PTPRD: variants seen among roughly 807,000 people sequenced by gnomAD.
PTPRD encodes protein tyrosine phosphatase receptor type D, also known as receptor-type tyrosine-protein phosphatase delta.
In PTPRD, 34 loss-of-function variants were observed where a neutral mutation model predicts 214.5. The ratio of observed to expected loss-of-function variants is 0.16; its 90% confidence interval spans 0.12 to 0.21. The LOEUF (loss-of-function observed/expected upper bound fraction) is 0.21. Ranked by LOEUF, PTPRD falls within the 10% of genes least tolerant of loss-of-function variation. The probability of loss-of-function intolerance (pLI) is 1.00; values close to 1 mark genes in which losing one functional copy is unlikely to be tolerated. For synonymous variants in PTPRD, 1,128 were observed against 845.7 expected, an observed-to-expected ratio of 1.33 and a Z score of -5.79; for missense variants, 2,545 against 2,398.7, an observed-to-expected ratio of 1.06 and a Z score of -1.27.
intron 2 of PTPRD, among the ~76,000 whole-genome samples, chr9:10,562,157 C>A (rs997130783): frequency 9.9e-5 from 15 of 152,066 alleles, no homozygotes; most frequent in African/African-American, 3.6e-4. Flanking sequence ...CATCCATATC[C>A]AAGAACCTGA....
At position 10,039,687 on chromosome 9, in the gene PTPRD, C is replaced by T. The variant is rs558887980; in HGVS notation, c.-544-5897G>A. On this transcript the variant is annotated intron_variant, in intron 3 of 45. Coordinates refer to ENST00000381196, the MANE Select transcript of PTPRD (RefSeq NM_002839.4). ...TTTTCTTTTCTGGGGGAAAAAAAAA[C>T]AAAGGGGTATGATTGTACTACATGA... Among the ~76,000 whole-genome samples the T allele has an allele frequency of 5.3e-5, 8 of 151,164 alleles. No homozygotes were observed. The South Asian group carries it at 1.5e-3, about 28-fold the overall frequency.
intron 27 of PTPRD, among the ~76,000 whole-genome samples, chr9:8,492,107 T>C (rs1336157865): frequency 2.6e-5 from 4 of 152,206 alleles, no homozygotes; most frequent in African/African-American, 9.6e-5. Flanking sequence ...TTTTATACTA[T>C]TTAGCCTTCT....
chr9:8,959,785 G>C (rs929209827), intron 11 of PTPRD, among the ~76,000 whole-genome samples: 2 of 151,980 alleles, frequency 1.3e-5, no homozygotes, highest in Non-Finnish European at 2.9e-5. Context: ...GAAAACTTTT[G>C]AGTGCTTTAG....
chr9:9,967,761 ATATAG>A (rs1285725120), intron 4 of PTPRD, among the ~76,000 whole-genome samples: 5 of 152,214 alleles, frequency 3.3e-5, no homozygotes, highest in African/African-American at 4.8e-5. Flanking sequence ...AGAACTATTG[ATATAG>A]ACATTGAACA....
intron 3 of PTPRD, among the ~76,000 whole-genome samples, chr9:10,245,382 C>A (rs2091910531): frequency 6.6e-6 from 1 of 152,144 alleles, no homozygotes; most frequent in South Asian, 2.1e-4. Flanking sequence ...TTTAATCACA[C>A]CATTTTATCT....
intron 35 of PTPRD, among the ~76,000 whole-genome samples, chr9:8,424,979 T>G (rs4742501): frequency 0.067 from 10,238 of 152,238 alleles, 494 homozygotes; most frequent in African/African-American, 0.14. Context: ...TGCAAATTCA[T>G]GTAATCTCTT....
chr9:10,473,186 T>C (rs58063047), intron 2 of PTPRD, among the ~76,000 whole-genome samples: 2,338 of 122,796 alleles, frequency 0.019, 65 homozygotes, highest in African/African-American at 0.064. Context: ...ACAGCTGTAA[T>C]TTTGTCTTTT....
chr9:9,524,944 G>A (rs940544417), intron 8 of PTPRD, among the ~76,000 whole-genome samples: 3 of 152,110 alleles, frequency 2.0e-5, no homozygotes, highest in East Asian at 3.9e-4. Flanking sequence ...TGCAAGCTCC[G>A]CCTTCCAGGT....
chr9:10,526,343 G>C (rs1392397231), intron 2 of PTPRD, among the ~76,000 whole-genome samples: 1 of 152,082 alleles, frequency 6.6e-6, no homozygotes, highest in Non-Finnish European at 1.5e-5. Context: ...TATTGCTAAA[G>C]TGTGGCTATA....
chr9:8,830,116 T>C (rs948512097), intron 11 of PTPRD, among the ~76,000 whole-genome samples: 12 of 152,128 alleles, frequency 7.9e-5, no homozygotes, highest in Non-Finnish European at 1.2e-4. Context: ...GTTTTAAGCA[T>C]CACTATAGCA....
At chr9:9,897,146 ACACAC>A (rs2075213040) in intron 5 of PTPRD, among the ~76,000 whole-genome samples, 1 of 151,714 alleles carries the variant, frequency 6.6e-6, no homozygotes, top group African/African-American at 2.4e-5. Context: ...ACACACACAC[ACACAC>A]ACACACACAC....
intron 11 of PTPRD, among the ~76,000 whole-genome samples, chr9:8,961,964 A>T (rs1368101590): frequency 6.6e-6 from 1 of 152,134 alleles, no homozygotes; most frequent in Non-Finnish European, 1.5e-5. Flanking sequence ...TATGAAATTT[A>T]CTGTATGTGG....
intron 2 of PTPRD, among the ~76,000 whole-genome samples, chr9:10,426,375 ATTTTCTTCAAAAAAGCCCAAAAAT>A (rs975962513): frequency 6.6e-6 from 1 of 151,258 alleles, no homozygotes; most frequent in Non-Finnish European, 1.5e-5. Context: ...GCTTGTACTT[ATTTTCTTCAAAAAAGCCCAAAAAT>A]TTTCGAAGGA....
intron 37 of PTPRD, among the ~76,000 whole-genome samples, chr9:8,384,020 A>T (rs1368281448): frequency 6.6e-6 from 1 of 152,200 alleles, no homozygotes; most frequent in Non-Finnish European, 1.5e-5. Context: ...AACAGTCAAG[A>T]GAAGATAGAT....
rs56699026 is a variant in PTPRD at position 9,651,824 on chromosome 9, TTG to T, written c.-286-77045_-286-77044del. On this transcript the variant is annotated intron_variant, in intron 7 of 45. Coordinates refer to ENST00000381196, the MANE Select transcript of PTPRD (RefSeq NM_002839.4). ...CACTGCCTTTGTATTTATTCAAGGT[TTG>T]TTTTTTTTTTTTTTTTTTTTTTTTT... 3.0e-3 allele frequency among the ~76,000 whole-genome samples: 422 copies of T among 141,394 alleles called. 10 individuals are homozygous for T. The highest frequency in any genetic ancestry group is 0.011 in the African/African-American group (409 of 36,018). 92.8% of individuals were successfully genotyped at this position (141,394 alleles called of 152,430 possible). A position where few individuals can be genotyped will look rare whatever the true frequency, so the allele number is the denominator to read the frequency against.
intron 2 of PTPRD, among the ~76,000 whole-genome samples, chr9:10,535,308 G>C (rs1341391684): frequency 3.3e-5 from 5 of 152,064 alleles, no homozygotes; most frequent in Non-Finnish European, 5.9e-5. Flanking sequence ...GCTTCATATT[G>C]ATGAATCTCA....
chr9:9,603,627 T>C (rs1002060404), intron 7 of PTPRD, among the ~76,000 whole-genome samples: 7 of 151,700 alleles, frequency 4.6e-5, no homozygotes, highest in African/African-American at 1.7e-4. Flanking sequence ...TTGTGAACAG[T>C]GCATGTGTGA....
At chr9:8,520,827 A>G (rs1401449944) in intron 20 of PTPRD, among the ~76,000 whole-genome samples, 5 of 152,268 alleles carry the variant, frequency 3.3e-5, no homozygotes, top group Admixed American at 3.3e-4. Context: ...TAAATCATCT[A>G]TTACTAGACT....
intron 11 of PTPRD, among the ~76,000 whole-genome samples, chr9:8,835,114 A>G (rs991524635): frequency 6.6e-6 from 1 of 152,194 alleles, no homozygotes; most frequent in Non-Finnish European, 1.5e-5. Flanking sequence ...CATGCATCAG[A>G]ATCAGAGAGT....
Sources: gnomAD v4.1 joint callset for allele counts (sites outside exome capture counted in the v4.1 genomes callset) on GRCh38, gnomAD v4.1.1 for gene constraint, MANE v1.5 for transcripts, NCBI Gene and HGNC (gene_info 2026-07-23, HGNC 2026-07-21) for gene names.